Variants in RGS22 observed in about 807,000 individuals in gnomAD.
RGS22 encodes regulator of G-protein signaling 22.
RGS22 carries 148 observed loss-of-function variants against 172.9 expected under a neutral mutation model. The ratio of observed to expected loss-of-function variants is 0.86; its 90% CI spans 0.75 to 0.98. RGS22 has a LOEUF of 0.98. Among genes scored for constraint, RGS22 ranks in the 50% least tolerant of loss-of-function variants. The probability of loss-of-function intolerance (pLI) is 0.00; values close to 1 mark genes in which losing one functional copy is unlikely to be tolerated. For missense variants in RGS22, 1,347 were observed against 1,440.8 expected, an observed-to-expected ratio of 0.93 and a Z score of 1.05; for synonymous variants, 458 against 480.2, an observed-to-expected ratio of 0.95 and a Z score of 0.60.
At chr8:100,010,638 C>T (rs1003065033) in intron 14 of RGS22, among the ~76,000 whole-genome samples, 9 of 152,098 alleles carry the variant, frequency 5.9e-5, no homozygotes, top group Admixed American at 1.3e-4. Flanking sequence ...TCCTTGAGGG[C>T]AAAGACTGTA....
chr8:100,005,941 C>T (rs1815645613), intron 16 of RGS22, 76 bp downstream of exon 16: 1 of 998,674 alleles, frequency 1.0e-6, no homozygotes, highest in African/African-American at 1.6e-5. Context: ...TCTACAATCT[C>T]CCCCTGCCCC....
intron 3 of RGS22, among the ~76,000 whole-genome samples, chr8:100,084,291 C>T (rs1586246106): frequency 1.3e-5 from 2 of 152,136 alleles, no homozygotes; most frequent in Admixed American, 6.5e-5. Flanking sequence ...TTGTGCTACT[C>T]GTATGCACTT....
At chr8:100,026,465 C>T (rs1818186734) in intron 14 of RGS22, among the ~76,000 whole-genome samples, 1 of 152,100 alleles carries the variant, frequency 6.6e-6, no homozygotes, top group Admixed American at 6.5e-5. Context: ...TTTGCAAATA[C>T]AAGAGTAAAC....
intron 21 of RGS22, among the ~76,000 whole-genome samples, chr8:99,982,875 G>A (rs951774087): frequency 3.9e-5 from 6 of 152,146 alleles, no homozygotes; most frequent in Non-Finnish European, 8.8e-5. Context: ...GGAATATTAC[G>A]TGATGCTGAG....
intron 12 of RGS22, among the ~76,000 whole-genome samples, chr8:100,040,790 T>C (rs1228843003): frequency 1.3e-5 from 2 of 152,210 alleles, no homozygotes; most frequent in African/African-American, 4.8e-5. Context: ...ACTACTTCTT[T>C]ATAATAAGAC....
At chr8:99,984,340 A>C (rs1332972007) in intron 21 of RGS22, among the ~76,000 whole-genome samples, 1 of 152,220 alleles carries the variant, frequency 6.6e-6, no homozygotes, top group Non-Finnish European at 1.5e-5. Context: ...TTAGCCTCCT[A>C]ACTATGGAAT....
Position 100,029,702 on chromosome 8 carries a change from C to CAA in RGS22, c.2166+9227_2166+9228dup, listed in dbSNP as rs369058108. 6.7e-3 allele frequency among the ~76,000 whole-genome samples: 411 copies of CAA among 61,280 alleles called. 5 individuals are homozygous for CAA. Among genetic ancestry groups the CAA allele is most frequent in the Middle Eastern group, 9.8e-3 (1 of 102 alleles). The allele number at this position is 61,280 out of a possible 152,430, so 40.2% of individuals were successfully genotyped here. ...TGGGCAACAAGGCGAAACTCCGTCT[C>CAA]AAAAAAAAAAAAAAAAAAAAAGAAA... On this transcript the variant is annotated intron_variant, in intron 14 of 27. Transcript: ENST00000360863.
intron 5 of RGS22, 131 bp downstream of exon 5, chr8:100,072,014 T>C (rs908070418): frequency 5.1e-6 from 3 of 589,186 alleles, no homozygotes; most frequent in Admixed American, 3.6e-5. Context: ...CTGGGCAATA[T>C]AGCAAGACCC....
At chr8:99,995,517 T>TC (rs768116649) in intron 20 of RGS22, among the ~76,000 whole-genome samples, 1 of 152,150 alleles carries the variant, frequency 6.6e-6, no homozygotes, top group Non-Finnish European at 1.5e-5. Context: ...AATATGCTCA[T>TC]CATCACTGGT....
At chr8:99,992,641 G>C (rs2131277808) in intron 20 of RGS22, among the ~76,000 whole-genome samples, 1 of 152,246 alleles carries the variant, frequency 6.6e-6, no homozygotes, top group African/African-American at 2.4e-5. Context: ...CCTATGAAGA[G>C]ACTTAGACTC....
intron 3 of RGS22, among the ~76,000 whole-genome samples, chr8:100,083,649 AG>A (rs1811930485): frequency 1.3e-5 from 2 of 151,894 alleles, no homozygotes; most frequent in Admixed American, 1.3e-4. Flanking sequence ...TACAGGCATA[AG>A]CCACTGTGCC....
rs201745883 is a variant in RGS22, at chr8:100,008,448, T to C, written c.2288A>G (p.Glu763Gly). 129 of 1,613,794 alleles carry C rather than the reference T, an allele frequency of 8.0e-5. No homozygotes were observed. In the Middle Eastern group the frequency reaches 2.0e-3, roughly 25 times the overall value. The change falls in exon 15 of 28, where the codon GAG becomes GGG. Residue 763 changes from glutamate to glycine, a missense_variant. Coordinates refer to ENST00000360863, the MANE Select transcript of RGS22 (RefSeq NM_015668.5). Reference protein sequence around the residue: ...PPFEDLFDTAEEYILLLLLEP... With the variant: ...PPFEDLFDTAGEYILLLLLEP... ...AAGAAGGAGGAGAAGGATATATTCC[T>C]CTGCTGTGTCAAAAAGGTCTTCAAA...
chr8:100,020,018 G>A (rs1389740231), intron 14 of RGS22, among the ~76,000 whole-genome samples: 1 of 151,968 alleles, frequency 6.6e-6, no homozygotes, highest in African/African-American at 2.4e-5. Context: ...CTGAGTAGCT[G>A]GAATTACAGG....
At chr8:100,096,827 A>G (rs888581531) in intron 2 of RGS22, among the ~76,000 whole-genome samples, 2 of 151,938 alleles carry the variant, frequency 1.3e-5, no homozygotes, top group African/African-American at 4.8e-5. Flanking sequence ...TTACAACTCT[A>G]AAAGATGCAA....
At chr8:99,989,771 GGAGGCA>G in intron 20 of RGS22, among the ~76,000 whole-genome samples, 1 of 152,198 alleles carries the variant, frequency 6.6e-6, no homozygotes, top group East Asian at 1.9e-4. Context: ...CTTGAACCTG[GGAGGCA>G]GAGGTTGCAG....
At chr8:99,963,784 C>T (rs1447273884) in intron 24 of RGS22, among the ~76,000 whole-genome samples, 1 of 152,096 alleles carries the variant, frequency 6.6e-6, no homozygotes, top group Non-Finnish European at 1.5e-5. Context: ...ATATCAGGGA[C>T]TTGAGCATCT....
chr8:100,077,066 C>A (rs1028162113), intron 4 of RGS22, among the ~76,000 whole-genome samples: 1 of 151,824 alleles, frequency 6.6e-6, no homozygotes, highest in Non-Finnish European at 1.5e-5. Flanking sequence ...TTGTAAAATT[C>A]TCTTATTTTT....
At chr8:99,999,560 G>C in intron 18 of RGS22, 140 bp from the exon 19 acceptor site, 1 of 738,114 alleles carries the variant, frequency 1.4e-6, no homozygotes, top group Admixed American at 3.0e-5. Flanking sequence ...AACATCTCCT[G>C]GCTATACTGA....
intron 23 of RGS22, among the ~76,000 whole-genome samples, chr8:99,972,948 GGT>G (rs1328584634): frequency 1.3e-5 from 2 of 150,126 alleles, no homozygotes; most frequent in East Asian, 3.9e-4. Flanking sequence ...GCAGGAGAAT[GGT>G]GTGAACTCGG....
Sources: allele counts gnomAD v4.1 joint callset (sites outside exome capture counted in the v4.1 genomes callset), GRCh38; gene constraint gnomAD v4.1.1; transcripts MANE v1.5; gene names NCBI Gene and HGNC (gene_info 2026-07-23, HGNC 2026-07-21).